Variants in PPARGC1A observed in about 807,000 individuals in gnomAD.
The protein encoded by PPARGC1A is peroxisome proliferator-activated receptor gamma coactivator 1-alpha.
In PPARGC1A, 25 loss-of-function variants were observed where a neutral mutation model predicts 88.7. The ratio of observed to expected loss-of-function variants is 0.28; its 90% CI spans 0.21 to 0.39. The LOEUF is 0.39. Ranked by LOEUF, PPARGC1A falls within the 10% of genes least tolerant of loss-of-function variation. The pLI is 1.00. For missense variants in PPARGC1A, 880 were observed against 968.7 expected, an observed-to-expected ratio of 0.91 and a Z score of 1.22; for synonymous variants, 363 against 355.6, an observed-to-expected ratio of 1.02 and a Z score of -0.24.
At chr4:24,265,935 G>A in the PPARGC1A span, among the ~76,000 whole-genome samples, 1 of 152,000 alleles carries the variant, frequency 6.6e-6, no homozygotes, top group Non-Finnish European at 1.5e-5. Flanking sequence ...GGGAGCACAT[G>A]TGCAAAAGAG....
At chr4:24,182,615 C>G in the PPARGC1A span, among the ~76,000 whole-genome samples, 1 of 152,200 alleles carries the variant, frequency 6.6e-6, no homozygotes, top group Non-Finnish European at 1.5e-5. Flanking sequence ...CTCCCACCAA[C>G]AGTGTAAAAG....
the PPARGC1A span, among the ~76,000 whole-genome samples, chr4:24,416,193 C>T: frequency 6.6e-6 from 1 of 152,150 alleles, no homozygotes; most frequent in African/African-American, 2.4e-5. Context: ...GAAGTCCAGA[C>T]ACACGGAAGC....
At chr4:23,835,466 TTG>T (rs145407468) in intron 2 of PPARGC1A, among the ~76,000 whole-genome samples, 10,516 of 135,206 alleles carry the variant, frequency 0.078, 712 homozygotes, top group African/African-American at 0.2. Flanking sequence ...GCATGGCGGC[TTG>T]TGTGTGTGTG....
chr4:24,269,128 A>AG, the PPARGC1A span, among the ~76,000 whole-genome samples: 33 of 152,342 alleles, frequency 2.2e-4, 1 homozygote, highest in South Asian at 6.2e-3. Context: ...ATAATGTACC[A>AG]GCACCAGGAA....
chr4:24,434,212 G>A, the PPARGC1A span, among the ~76,000 whole-genome samples: 10 of 152,186 alleles, frequency 6.6e-5, no homozygotes, highest in Non-Finnish European at 7.4e-5. Context: ...CCTCTCATAC[G>A]GATTTTTAAC....
chr4:24,396,924 A>G, the PPARGC1A span, among the ~76,000 whole-genome samples: 1 of 152,196 alleles, frequency 6.6e-6, no homozygotes, highest in Admixed American at 6.5e-5. Flanking sequence ...CAGTTACAAA[A>G]TGGTACTCTC....
intron 2 of PPARGC1A, among the ~76,000 whole-genome samples, chr4:23,841,418 A>G (rs1300115533): frequency 6.6e-6 from 1 of 152,142 alleles, no homozygotes; most frequent in African/African-American, 2.4e-5. Flanking sequence ...ATAAGGATTT[A>G]TTATAAATAT....
At chr4:24,142,869 CAA>C in the PPARGC1A span, among the ~76,000 whole-genome samples, 210 of 148,278 alleles carry the variant, frequency 1.4e-3, 1 homozygote, top group Non-Finnish European at 2.4e-3. Flanking sequence ...GTAGGGAAAG[CAA>C]AAGAGATTAA....
the PPARGC1A span, among the ~76,000 whole-genome samples, chr4:24,296,783 T>C: frequency 1.3e-5 from 2 of 152,236 alleles, no homozygotes; most frequent in African/African-American, 4.8e-5. Context: ...ATCTCTGAGA[T>C]GCCTGTATTA....
the PPARGC1A span, among the ~76,000 whole-genome samples, chr4:24,144,040 C>T: frequency 2.0e-5 from 3 of 152,238 alleles, no homozygotes; most frequent in African/African-American, 7.2e-5. Context: ...GCCACATGCT[C>T]TGCATTGCCA....
the PPARGC1A span, among the ~76,000 whole-genome samples, chr4:24,169,490 A>G: frequency 1.3e-5 from 2 of 152,162 alleles, no homozygotes; most frequent in Non-Finnish European, 2.9e-5. Context: ...AGACTGGGGC[A>G]GGGCAGGTGG....
chr4:23,857,367 GTGTGTGACACA>G (rs1318246200), intron 2 of PPARGC1A, among the ~76,000 whole-genome samples: 9 of 106,958 alleles, frequency 8.4e-5, no homozygotes, highest in Admixed American at 3.9e-4. Flanking sequence ...GTGCGTGTGT[GTGTGTGACACA>G]CACACACACG....
chr4:24,228,418 C>G, the PPARGC1A span, among the ~76,000 whole-genome samples: 1 of 152,146 alleles, frequency 6.6e-6, no homozygotes, highest in African/African-American at 2.4e-5. Context: ...CAGATCTTCT[C>G]TCTTATAAGT....
the PPARGC1A span, among the ~76,000 whole-genome samples, chr4:24,395,863 C>A: frequency 6.6e-6 from 1 of 152,178 alleles, no homozygotes; most frequent in Non-Finnish European, 1.5e-5. Context: ...GTGGTGCTCA[C>A]CTTGCCCCTC....
At chr4:24,147,378 A>G in the PPARGC1A span, among the ~76,000 whole-genome samples, 7 of 152,202 alleles carry the variant, frequency 4.6e-5, no homozygotes, top group African/African-American at 1.7e-4. Flanking sequence ...CAAGCTTAGC[A>G]TCAGCCCTCT....
At chr4:24,218,463 C>T in the PPARGC1A span, among the ~76,000 whole-genome samples, 165 of 152,274 alleles carry the variant, frequency 1.1e-3, no homozygotes, top group African/African-American at 3.8e-3. Context: ...AGGCAGTCAG[C>T]GAGGAAAGAC....
chr4:24,063,877 T>A, the PPARGC1A span, among the ~76,000 whole-genome samples: 1 of 152,090 alleles, frequency 6.6e-6, no homozygotes, highest in South Asian at 2.1e-4. Context: ...CTATTTAGCA[T>A]CCTATTAATA....
the PPARGC1A span, among the ~76,000 whole-genome samples, chr4:24,399,201 G>A: frequency 1.3e-5 from 2 of 151,940 alleles, no homozygotes; most frequent in Non-Finnish European, 2.9e-5. Context: ...TTTAGTCCCT[G>A]GAAATTTCAC....
chr4:24,465,531 G>C, the PPARGC1A span, among the ~76,000 whole-genome samples: 1 of 152,156 alleles, frequency 6.6e-6, no homozygotes, highest in Non-Finnish European at 1.5e-5. Flanking sequence ...GGTCTCTCTG[G>C]AAGGAAGTTC....
Sources: allele counts gnomAD v4.1 joint callset (sites outside exome capture counted in the v4.1 genomes callset), GRCh38; gene constraint gnomAD v4.1.1; transcripts MANE v1.5; gene names NCBI Gene and HGNC (gene_info 2026-07-23, HGNC 2026-07-21).